The following OR2L13 variants were observed in gnomAD, a reference collection of about 807,000 sequenced individuals.
OR2L13 encodes the protein olfactory receptor family 2 subfamily L member 13, also known as olfactory receptor 2L13.
A neutral mutation model predicts 15.3 loss-of-function variants in OR2L13; 14 were observed. That is an observed-to-expected ratio of 0.91 (90% confidence interval 0.60 to 1.43). OR2L13 has a LOEUF of 1.43. Ranked by LOEUF, OR2L13 falls within the 40% of genes most tolerant of loss-of-function variation. OR2L13 has a pLI of 0.00. For missense variants in OR2L13, 367 were observed against 387.9 expected (o/e 0.95, Z 0.45); for synonymous variants, 152 against 142.9 (o/e 1.06, Z -0.45).
the OR2L13 span, among the ~76,000 whole-genome samples, chr1:248,026,740 C>T: frequency 5.9e-5 from 9 of 151,968 alleles, no homozygotes; most frequent in Admixed American, 1.3e-4. Flanking sequence ...TGAACATAAA[C>T]GGTGAAGATT....
At chr1:248,072,502 T>A in the OR2L13 span, among the ~76,000 whole-genome samples, 2 of 152,186 alleles carry the variant, frequency 1.3e-5, no homozygotes, top group South Asian at 4.1e-4. Context: ...ACTTAAACGT[T>A]AGACCTAAAA....
chr1:248,018,587 T>G, the OR2L13 span, among the ~76,000 whole-genome samples: 1 of 152,220 alleles, frequency 6.6e-6, no homozygotes, highest in South Asian at 2.1e-4. Flanking sequence ...TTAAAATGTA[T>G]TTGGAATTCC....
the OR2L13 span, among the ~76,000 whole-genome samples, chr1:247,946,175 G>A: frequency 6.6e-6 from 1 of 152,156 alleles, no homozygotes; most frequent in African/African-American, 2.4e-5. Context: ...TAGAAGTACA[G>A]CAGGTTTTGG....
the OR2L13 span, among the ~76,000 whole-genome samples, chr1:247,979,365 T>A: frequency 6.6e-6 from 1 of 152,142 alleles, no homozygotes; most frequent in African/African-American, 2.4e-5. Context: ...CCTGTGTTCA[T>A]GTGTTCTCAT....
At chr1:247,983,112 G>T in the OR2L13 span, among the ~76,000 whole-genome samples, 1 of 152,196 alleles carries the variant, frequency 6.6e-6, no homozygotes, top group African/African-American at 2.4e-5. Flanking sequence ...ATGCATATGT[G>T]TATGTGTGTT....
At chr1:247,975,473 A>G in the OR2L13 span, 11 of 812,596 alleles carry the variant, frequency 1.4e-5, no homozygotes, top group Non-Finnish European at 2.2e-5. Context: ...ATTTTCTACT[A>G]TGCAATGTTT....
the OR2L13 span, among the ~76,000 whole-genome samples, chr1:248,050,475 TA>T: frequency 6.6e-6 from 1 of 152,032 alleles, no homozygotes; most frequent in Non-Finnish European, 1.5e-5. Flanking sequence ...TAATTTTATT[TA>T]AATAATATTA....
the OR2L13 span, chr1:247,966,150 C>G: frequency 6.2e-7 from 1 of 1,614,162 alleles, no homozygotes; most frequent in Non-Finnish European, 8.5e-7. Context: ...CTCTCTTTAC[C>G]TACACAAGGC....
the OR2L13 span, chr1:248,063,205 C>T: frequency 6.6e-6 from 1 of 152,198 alleles, no homozygotes; most frequent in Non-Finnish European, 1.5e-5. Context: ...TTAATTCTTC[C>T]AATCCATGAG....
the OR2L13 span, among the ~76,000 whole-genome samples, chr1:248,026,491 C>A: frequency 2.8e-3 from 425 of 152,332 alleles, 23 homozygotes; most frequent in East Asian, 0.073. Context: ...TGATTGTAGC[C>A]TTCCAGTGAA....
chr1:248,028,475 T>C, the OR2L13 span, among the ~76,000 whole-genome samples: 1 of 152,264 alleles, frequency 6.6e-6, no homozygotes, highest in South Asian at 2.1e-4. Context: ...TATAAGTGAA[T>C]ATGATTATGC....
the OR2L13 span, among the ~76,000 whole-genome samples, chr1:248,058,600 A>G: frequency 6.6e-6 from 1 of 152,004 alleles, no homozygotes. Context: ...CTTGTGGGTA[A>G]TATTTAGAAT....
the OR2L13 span, among the ~76,000 whole-genome samples, chr1:247,990,018 C>T: frequency 1.5e-4 from 23 of 151,756 alleles, no homozygotes; most frequent in Non-Finnish European, 1.8e-4. Flanking sequence ...ACTTTTATTA[C>T]AGTATATAAT....
At chr1:247,957,337 C>G in the OR2L13 span, among the ~76,000 whole-genome samples, 1 of 152,100 alleles carries the variant, frequency 6.6e-6, no homozygotes, top group African/African-American at 2.4e-5. Context: ...CTGCTGGATT[C>G]GGTTTGCCAG....
chr1:247,994,954 G>T, the OR2L13 span, among the ~76,000 whole-genome samples: 7 of 152,038 alleles, frequency 4.6e-5, no homozygotes, highest in South Asian at 2.1e-4. Context: ...ATATTTTGAT[G>T]ATCTCACTTT....
the OR2L13 span, among the ~76,000 whole-genome samples, chr1:247,955,879 C>T: frequency 2.0e-5 from 3 of 151,776 alleles, no homozygotes; most frequent in East Asian, 5.8e-4. Flanking sequence ...AAAATTTTCT[C>T]CCATTGTGTA....
At chr1:247,977,933 C>T in the OR2L13 span, among the ~76,000 whole-genome samples, 1 of 152,138 alleles carries the variant, frequency 6.6e-6, no homozygotes, top group Non-Finnish European at 1.5e-5. Context: ...CACTTCAGCT[C>T]ATCACCCGTC....
chr1:247,954,067 CAT>C, the OR2L13 span, among the ~76,000 whole-genome samples: 5 of 152,070 alleles, frequency 3.3e-5, no homozygotes, highest in African/African-American at 9.7e-5. Context: ...GCATAAAACT[CAT>C]ATGCTTTTCC....
the OR2L13 span, among the ~76,000 whole-genome samples, chr1:248,004,582 C>A: frequency 6.6e-6 from 1 of 152,146 alleles, no homozygotes; most frequent in Admixed American, 6.5e-5. Flanking sequence ...GCAGAGAGCT[C>A]GTCAGGGATT....
Sources: gnomAD v4.1 joint callset for allele counts (sites outside exome capture counted in the v4.1 genomes callset) on GRCh38, gnomAD v4.1.1 for gene constraint, MANE v1.5 for transcripts, NCBI Gene and HGNC (gene_info 2026-07-23, HGNC 2026-07-21) for gene names.